Variants in B3GALNT1 observed in about 807,000 individuals in gnomAD.
B3GALNT1 encodes the protein UDP-GalNAc:beta-1,3-N-acetylgalactosaminyltransferase 1.
A neutral mutation model predicts 27.3 loss-of-function variants in B3GALNT1; 17 were observed. The observed-to-expected ratio is 0.62, with a 90% confidence interval of 0.43 to 0.94. The LOEUF is 0.94. Ranked by LOEUF, B3GALNT1 falls within the 40% of genes least tolerant of loss-of-function variation. B3GALNT1 has a pLI of 0.00. For missense variants in B3GALNT1, 347 were observed against 390.0 expected, an observed-to-expected ratio of 0.89 and a Z score of 0.93; for synonymous variants, 141 against 144.0, an observed-to-expected ratio of 0.98 and a Z score of 0.15.
intron 4 of B3GALNT1, among the ~76,000 whole-genome samples, chr3:161,092,069 T>C (rs2108293731): frequency 6.6e-6 from 1 of 152,260 alleles, no homozygotes; most frequent in South Asian, 2.1e-4. Flanking sequence ...ACATCATAAA[T>C]GATGGAACAA....
chr3:161,095,188 C>A (rs971012322), intron 4 of B3GALNT1, among the ~76,000 whole-genome samples: 6 of 152,112 alleles, frequency 3.9e-5, no homozygotes, highest in African/African-American at 1.4e-4. Flanking sequence ...GCAGAGCCTG[C>A]ACTTACTCTG....
chr3:161,098,896 G>A (rs1341726717), intron 4 of B3GALNT1, among the ~76,000 whole-genome samples: 1 of 152,172 alleles, frequency 6.6e-6, no homozygotes, highest in South Asian at 2.1e-4. Context: ...ATTTTCAATA[G>A]GGTTCTTCAA....
intron 4 of B3GALNT1, among the ~76,000 whole-genome samples, chr3:161,093,452 TAGTG>T (rs1415491087): frequency 1.3e-5 from 2 of 152,120 alleles, no homozygotes; most frequent in African/African-American, 2.4e-5. Context: ...CATTTCCTGA[TAGTG>T]AGAGCACAGG....
rs1249098599 is a variant in B3GALNT1, at chr3:161,086,044, G to A, written c.711C>T (p.Tyr237=). 3 of 1,591,728 alleles carry A rather than the reference G, an allele frequency of 1.9e-6. No individual in the cohort carries two copies. The highest frequency in any genetic ancestry group is 2.3e-5 in the South Asian group (2 of 86,320). The stretch of plus-strand genomic sequence containing the variant: ...ACATTATATAACCCAACCCACTGCA[G>A]TATGGAGGGAACACCTTGAAAGGAT... ...QEYPFKVFPP[Y]CSGLGYIMSR... is the part of the protein sequence containing the mutation. Residue 237 remains tyrosine, a synonymous_variant, in exon 5 of 5, where the codon TAC becomes TAT. Coordinates refer to ENST00000320474, the MANE Select transcript of B3GALNT1 (RefSeq NM_003781.4).
At chr3:161,088,108 G>GTTC (rs2108222703) in intron 4 of B3GALNT1, among the ~76,000 whole-genome samples, 2 of 152,232 alleles carry the variant, frequency 1.3e-5, no homozygotes, top group East Asian at 3.9e-4. Flanking sequence ...TCTACCAAGG[G>GTTC]TTCTACCTTG....
intron 4 of B3GALNT1, among the ~76,000 whole-genome samples, chr3:161,089,306 T>C (rs1723670090): frequency 1.3e-5 from 2 of 152,014 alleles, no homozygotes; most frequent in Non-Finnish European, 2.9e-5. Context: ...CCATTCTATT[T>C]GTGTTCTCTA....
At position 161,084,375 on chromosome 3, in the gene B3GALNT1, T is replaced by C. The variant is rs1012560966; in HGVS notation, c.*1384A>G. Reference sequence around the variant, plus strand: ...TAGTTTTAACTGAAGTTGTTTTTCATATAGGACAATCATAAATATGAGTAT... The same window carrying C: ...TAGTTTTAACTGAAGTTGTTTTTCACATAGGACAATCATAAATATGAGTAT... On this transcript the variant is annotated 3_prime_UTR_variant, in exon 5 of 5. Coordinates refer to ENST00000320474, the MANE Select transcript of B3GALNT1 (RefSeq NM_003781.4). The C allele has an allele frequency of 6.6e-6, 1 of 152,334 alleles. No individual in the cohort carries two copies. Among genetic ancestry groups the C allele is most frequent in the Middle Eastern group, 3.4e-3 (1 of 294 alleles). 9.4% of individuals were successfully genotyped at this position (152,334 alleles called of 1,614,324 possible).
At chr3:161,101,923 T>C (rs1235209743) in intron 3 of B3GALNT1, among the ~76,000 whole-genome samples, 2 of 152,328 alleles carry the variant, frequency 1.3e-5, no homozygotes, top group East Asian at 3.9e-4. Context: ...CCCTATGACA[T>C]GCTGCAGGAA....
intron 4 of B3GALNT1, among the ~76,000 whole-genome samples, chr3:161,091,901 A>T (rs1246330717): frequency 1.3e-5 from 2 of 152,216 alleles, no homozygotes; most frequent in Non-Finnish European, 2.9e-5. Context: ...TATACATCAG[A>T]GTTTTGATAA....
chr3:161,088,215 A>G (rs1326674728), intron 4 of B3GALNT1, among the ~76,000 whole-genome samples: 2 of 152,154 alleles, frequency 1.3e-5, no homozygotes, highest in African/African-American at 4.8e-5. Context: ...TCATCTGGTC[A>G]TCTCTTACCT....
In B3GALNT1 at chr3:161,086,336, T is replaced by C. The variant is rs781140091; in HGVS notation, c.419A>G (p.Tyr140Cys). ...ALSLEDEHLL[Y>C]GDIIRQDFLD... The stretch of plus-strand genomic sequence containing the variant: ...AAAATCTTGTCGGATTATGTCACCA[T>C]AAAGAAGGTGTTCATCCTCTAAGGA... The change falls in exon 5 of 5, where the codon TAT becomes TGT. Residue 140 changes from tyrosine (Y) to cysteine (C), a missense_variant. Transcript: ENST00000320474. The C allele has an allele frequency of 1.2e-6, 2 of 1,614,200 alleles. No homozygotes were observed. The highest frequency in any genetic ancestry group is 1.7e-6 in the Non-Finnish European group (2 of 1,180,038).
chr3:161,101,079 T>C (rs1266186726), intron 4 of B3GALNT1, 60 bp downstream of exon 4: 1 of 1,233,704 alleles, frequency 8.1e-7, no homozygotes, highest in Non-Finnish European at 1.1e-6. Context: ...TCACATCTAA[T>C]CTCACAGCCT....
chr3:161,086,627 A>G lies in B3GALNT1; in HGVS notation c.128T>C (p.Val43Ala), dbSNP rs1348811967. 1.9e-6 allele frequency: 3 copies of G among 1,614,076 alleles called. No homozygotes were observed. The highest frequency in any genetic ancestry group is 1.7e-5 in the Admixed American group (1 of 60,000). The change falls in exon 5 of 5, where the codon GTG becomes GCG. Residue 43 changes from valine (V) to alanine (A), a missense_variant. Transcript: ENST00000320474. ...MWYLSLPHYN[V>A]IERVNWMYFY... ...GTACATCCAGTTCACGCGTTCTATC[A>G]CATTGTAGTGGGGAAGGCTGAGGTA...
At chr3:161,097,612 C>T (rs906905921) in intron 4 of B3GALNT1, among the ~76,000 whole-genome samples, 1 of 152,182 alleles carries the variant, frequency 6.6e-6, no homozygotes, top group African/African-American at 2.4e-5. Flanking sequence ...AAGCCAAACG[C>T]ACATTTCTGG....
At chr3:161,097,881 A>G (rs762001561) in intron 4 of B3GALNT1, among the ~76,000 whole-genome samples, 5 of 152,166 alleles carry the variant, frequency 3.3e-5, no homozygotes, top group African/African-American at 7.2e-5. Context: ...CTTACTTTGG[A>G]GCATACAGCT....
Position 161,086,087 on chromosome 3 carries a change from T to C in B3GALNT1, c.668A>G (p.His223Arg), listed in dbSNP as rs1180542356. The C allele has an allele frequency of 2.5e-6, 4 of 1,599,154 alleles. No homozygotes were observed. The highest frequency in any genetic ancestry group is 2.6e-6 in the Non-Finnish European group (3 of 1,173,614). The change falls in exon 5 of 5, where the codon CAT (histidine) becomes CGT (arginine). Residue 223 changes from histidine to arginine, a missense_variant. Transcript: ENST00000320474. ...GAAAGGATACTCCTGGTAAGAAATA[T>C]GGGTTTTTTGGTAAAATCCTCTATA... ...YSYRGFYQKT[H>R]ISYQEYPFKV...
rs893162830 is a variant in B3GALNT1 at position 161,084,221 on chromosome 3, T to C, written c.*1538A>G. ...TCTGTCTTAAAGAACGTGACTCCTA[T>C]ATGGATGGAGATTAACAAGGGCATA... On this transcript the variant is annotated 3_prime_UTR_variant, in exon 5 of 5. Transcript: ENST00000320474. 2 of 152,168 alleles carry C rather than the reference T, an allele frequency of 1.3e-5. No homozygotes were observed. Among genetic ancestry groups the C allele is most frequent in the African/African-American group, 4.8e-5 (2 of 41,458 alleles). The allele number at this position is 152,168 out of a possible 1,614,324, so 9.4% of individuals were successfully genotyped here. A position where few individuals can be genotyped will look rare whatever the true frequency, so the allele number is the denominator to read the frequency against.
intron 3 of B3GALNT1, 146 bp from the exon 4 acceptor site, chr3:161,101,379 C>T: frequency 5.0e-6 from 2 of 401,382 alleles, no homozygotes; most frequent in South Asian, 1.9e-5. Context: ...CATTTCTTCC[C>T]ATTACTACCC....
intron 4 of B3GALNT1, among the ~76,000 whole-genome samples, chr3:161,089,769 A>G (rs894310162): frequency 6.7e-6 from 1 of 148,414 alleles, no homozygotes; most frequent in African/African-American, 2.5e-5. Flanking sequence ...CTTATCTACT[A>G]AAAAAAAAAG....
Sources: gnomAD v4.1 joint callset for allele counts (sites outside exome capture counted in the v4.1 genomes callset) on GRCh38, gnomAD v4.1.1 for gene constraint, MANE v1.5 for transcripts, NCBI Gene and HGNC (gene_info 2026-07-23, HGNC 2026-07-21) for gene names.